UNC13C: variants seen among roughly 807,000 people sequenced by gnomAD.
UNC13C encodes unc-13 homolog C.
Under a neutral mutation model 245.4 loss-of-function variants are expected in UNC13C, and 174 were observed. The observed-to-expected ratio is 0.71, with a 90% CI of 0.63 to 0.80. The LOEUF (loss-of-function observed/expected upper bound fraction) is 0.80. UNC13C is among the 30% of genes least tolerant of loss of function. The probability of loss-of-function intolerance (pLI) is 0.00; values close to 1 mark genes in which losing one functional copy is unlikely to be tolerated. For synonymous variants in UNC13C, 992 were observed against 895.1 expected, an observed-to-expected ratio of 1.11 and a Z score of -1.93; for missense variants, 2,829 against 2,602.9, an observed-to-expected ratio of 1.09 and a Z score of -1.89.
chr15:54,268,899 G>A (rs931226664), intron 10 of UNC13C, among the ~76,000 whole-genome samples: 5 of 151,994 alleles, frequency 3.3e-5, no homozygotes, highest in African/African-American at 1.2e-4. Context: ...CCCCTGTGCA[G>A]ATTGTTGAAA....
chr15:54,378,041 A>G (rs2039644486), intron 17 of UNC13C, among the ~76,000 whole-genome samples: 1 of 152,094 alleles, frequency 6.6e-6, no homozygotes, highest in South Asian at 2.1e-4. Flanking sequence ...GAAAAAAGTG[A>G]TGTTTTTATA....
chr15:53,884,847 C>T, the UNC13C span, among the ~76,000 whole-genome samples: 1 of 152,144 alleles, frequency 6.6e-6, no homozygotes, highest in Non-Finnish European at 1.5e-5. Context: ...TGCTACTTCT[C>T]CTCCTACCAA....
intron 2 of UNC13C, among the ~76,000 whole-genome samples, chr15:54,021,541 T>C (rs2141004404): frequency 6.6e-6 from 1 of 152,370 alleles, no homozygotes; most frequent in East Asian, 1.9e-4. Flanking sequence ...TTAAAGACCG[T>C]GTAGTGTTCC....
chr15:53,913,260 A>ATTGT, the UNC13C span: 1 of 152,356 alleles, frequency 6.6e-6, no homozygotes, highest in African/African-American at 2.4e-5. Flanking sequence ...AGCAAGCACA[A>ATTGT]GCCCTATGGG....
intron 4 of UNC13C, among the ~76,000 whole-genome samples, chr15:54,178,403 A>T (rs2033686837): frequency 6.6e-6 from 1 of 152,082 alleles, no homozygotes; most frequent in Non-Finnish European, 1.5e-5. Flanking sequence ...TTAAGATGTA[A>T]TCCATCAATT....
the UNC13C span, among the ~76,000 whole-genome samples, chr15:53,867,951 C>G: frequency 1.4e-4 from 21 of 152,132 alleles, no homozygotes; most frequent in Non-Finnish European, 2.6e-4. Flanking sequence ...CTGCCTCAGC[C>G]TCCCAAGTAG....
chr15:54,509,436 T>G (rs1373379086), intron 23 of UNC13C, among the ~76,000 whole-genome samples: 1 of 152,230 alleles, frequency 6.6e-6, no homozygotes, highest in Non-Finnish European at 1.5e-5. Flanking sequence ...TAAAATATTT[T>G]TAAACTCAGA....
chr15:54,310,211 T>G (rs1176314135), intron 13 of UNC13C, among the ~76,000 whole-genome samples: 1 of 151,810 alleles, frequency 6.6e-6, no homozygotes, highest in Non-Finnish European at 1.5e-5. Context: ...GAGAATAATT[T>G]AAGTAGTGTT....
intron 24 of UNC13C, among the ~76,000 whole-genome samples, chr15:54,513,545 T>C (rs1365544268): frequency 6.6e-6 from 1 of 152,168 alleles, no homozygotes; most frequent in Non-Finnish European, 1.5e-5. Context: ...CAGATAGAAT[T>C]GCTGGTTTGA....
At chr15:54,596,997 T>A (rs1156268382) in intron 30 of UNC13C, among the ~76,000 whole-genome samples, 2 of 152,146 alleles carry the variant, frequency 1.3e-5, no homozygotes, top group African/African-American at 4.8e-5. Context: ...CTAACACAAC[T>A]GGGAAGTCCC....
chr15:54,029,255 A>C (rs1324903969), intron 2 of UNC13C, among the ~76,000 whole-genome samples: 1 of 152,246 alleles, frequency 6.6e-6, no homozygotes, highest in Non-Finnish European at 1.5e-5. Context: ...TGGCTTTTTA[A>C]CTGTGTTGCC....
chr15:54,276,707 A>C (rs144249606), intron 10 of UNC13C, among the ~76,000 whole-genome samples: 22 of 152,244 alleles, frequency 1.4e-4, no homozygotes, highest in Middle Eastern at 3.4e-3. Flanking sequence ...ATAAAAAGTC[A>C]TTACTCAAAA....
Position 54,004,763 on chromosome 15 carries a change from T to G in UNC13C, c.-256-7885T>G, listed in dbSNP as rs1347613895. ...TGCATCTCTCTAATGATCAATGATA[T>G]TGAACACCTTTTCATATGCCCATTT... On this transcript the variant is annotated intron_variant, in intron 1 of 32. Transcript: ENST00000260323. Among the ~76,000 whole-genome samples the G allele has an allele frequency of 4.6e-5, 7 of 152,332 alleles. 1 individual carries two copies. The East Asian group carries it at 1.3e-3, about 29-fold the overall frequency.
intron 2 of UNC13C, among the ~76,000 whole-genome samples, chr15:54,080,020 T>TTTTTTTTTTTTC (rs58972876): frequency 6.8e-6 from 1 of 147,864 alleles, no homozygotes. Flanking sequence ...TTTTTTTTTT[T>TTTTTTTTTTTTC]TATCATAAAG....
the UNC13C span, among the ~76,000 whole-genome samples, chr15:53,919,147 A>C: frequency 6.6e-6 from 1 of 152,164 alleles, no homozygotes; most frequent in African/African-American, 2.4e-5. Flanking sequence ...TGTGGGTTCT[A>C]GGTCTAGTTT....
chr15:54,014,299 G>A lies in UNC13C; in HGVS notation c.1396G>A (p.Ala466Thr), dbSNP rs192513157. The A allele has an allele frequency of 2.5e-5, 41 of 1,613,888 alleles. No individual in the cohort carries two copies. The South Asian group carries it at 3.0e-4, about 12-fold the overall frequency. ...LESDLNRNSY[A>T]VLSKSELLTK... ...ATCTGACCTCAATAGAAACAGTTAC[G>A]CTGTGCTTTCCAAGTCAGAGCTTCT... Residue 466 changes from alanine (A) to threonine (T), a missense_variant, in exon 2 of 33, where the codon GCT becomes ACT. Coordinates refer to ENST00000260323, the MANE Select transcript of UNC13C (RefSeq NM_001080534.3).
chr15:54,562,498 T>G (rs996746499), intron 29 of UNC13C, among the ~76,000 whole-genome samples: 28 of 151,988 alleles, frequency 1.8e-4, no homozygotes, highest in Admixed American at 5.3e-4. Flanking sequence ...TGTCCGCACA[T>G]GGTCTTCCGG....
At chr15:54,358,821 A>G (rs1224623958) in intron 17 of UNC13C, among the ~76,000 whole-genome samples, 3 of 151,944 alleles carry the variant, frequency 2.0e-5, no homozygotes, top group Non-Finnish European at 4.4e-5. Context: ...CTCTTGCCCA[A>G]TTCCTATAGC....
intron 2 of UNC13C, among the ~76,000 whole-genome samples, chr15:54,083,263 C>T (rs939252949): frequency 2.0e-5 from 3 of 152,130 alleles, no homozygotes; most frequent in Non-Finnish European, 4.4e-5. Flanking sequence ...TGTTCTTTGG[C>T]TCCCAGCTGC....
Sources: gnomAD v4.1 joint callset for allele counts (sites outside exome capture counted in the v4.1 genomes callset) on GRCh38, gnomAD v4.1.1 for gene constraint, MANE v1.5 for transcripts, NCBI Gene and HGNC (gene_info 2026-07-23, HGNC 2026-07-21) for gene names.